LRRC4C: variants seen among roughly 807,000 people sequenced by gnomAD.
LRRC4C encodes the protein leucine-rich repeat-containing protein 4C.
Under a neutral mutation model 33.6 loss-of-function variants are expected in LRRC4C, and 5 were observed. The ratio of observed to expected loss-of-function variants is 0.15; its 90% CI spans 0.08 to 0.31. The LOEUF (loss-of-function observed/expected upper bound fraction) is 0.31, where lower values mean the gene tolerates loss of function less well. Ranked by LOEUF, LRRC4C falls within the 10% of genes least tolerant of loss-of-function variation. The pLI is 1.00. For synonymous variants in LRRC4C, 329 were observed against 302.0 expected (o/e 1.09, Z -0.93); for missense variants, 560 against 796.7 (o/e 0.70, Z 3.58).
intron 1 of LRRC4C, among the ~76,000 whole-genome samples, chr11:41,351,694 A>G (rs1041699704): frequency 6.6e-6 from 1 of 152,252 alleles, no homozygotes; most frequent in Non-Finnish European, 1.5e-5. Flanking sequence ...TATATTCAGC[A>G]ACATGCATTA....
At chr11:40,396,230 T>C (rs11035820) in intron 3 of LRRC4C, among the ~76,000 whole-genome samples, 14 of 152,054 alleles carry the variant, frequency 9.2e-5, no homozygotes, top group African/African-American at 3.1e-4. Context: ...GTTTCTGTTT[T>C]TTATTATTTT....
intron 5 of LRRC4C, among the ~76,000 whole-genome samples, chr11:40,204,831 G>T (rs4369393): frequency 0.47 from 71,936 of 151,898 alleles, 18,220 homozygotes; most frequent in East Asian, 0.63. Flanking sequence ...TTCCTTGCCT[G>T]CTTAGCTTTG....
chr11:41,436,819 G>A (rs953657363), intron 1 of LRRC4C, among the ~76,000 whole-genome samples: 1 of 152,144 alleles, frequency 6.6e-6, no homozygotes, highest in Admixed American at 6.5e-5. Flanking sequence ...CATCTTTCAA[G>A]AGTCCCTAAA....
chr11:41,043,068 C>CTTTTTTTTTTT (rs67605827), intron 1 of LRRC4C, among the ~76,000 whole-genome samples: 1 of 75,796 alleles, frequency 1.3e-5, no homozygotes, highest in Non-Finnish European at 2.4e-5. Context: ...CAGAATAGAC[C>CTTTTTTTTTTT]TTTTTTTTTT....
intron 4 of LRRC4C, among the ~76,000 whole-genome samples, chr11:40,274,772 C>T (rs1364097196): frequency 6.6e-6 from 1 of 152,052 alleles, no homozygotes; most frequent in South Asian, 2.1e-4. Flanking sequence ...AAAGAGGTAA[C>T]TTACATAGAG....
Position 40,733,081 on chromosome 11 carries a change from T to G in LRRC4C, c.-406-84803A>C, listed in dbSNP as rs995196268. ...ATATAGTTTTTTTTTTTTTTTTTTT[T>G]TTTTTTTTTTTTGAGATGGAGTCTC... is the stretch of plus-strand genomic sequence containing the variant. On this transcript the variant is annotated intron_variant, in intron 2 of 6. Transcript: ENST00000528697. Among the ~76,000 whole-genome samples, 80 of 129,876 alleles carry G rather than the reference T, an allele frequency of 6.2e-4. 1 individual carries two copies. Among genetic ancestry groups the G allele is most frequent in the Middle Eastern group, 7.6e-3 (2 of 264 alleles). The allele number at this position is 129,876 out of a possible 152,430, so 85.2% of individuals were successfully genotyped here.
At chr11:40,919,027 T>C (rs973175855) in intron 2 of LRRC4C, among the ~76,000 whole-genome samples, 4 of 152,210 alleles carry the variant, frequency 2.6e-5, no homozygotes, top group African/African-American at 9.6e-5. Context: ...AATAATTTGC[T>C]GCATTTGCTT....
At chr11:41,436,641 A>C (rs895874321) in intron 1 of LRRC4C, among the ~76,000 whole-genome samples, 1 of 152,198 alleles carries the variant, frequency 6.6e-6, no homozygotes, top group Non-Finnish European at 1.5e-5. Flanking sequence ...TGGCATAATC[A>C]TCACAGAGAG....
At chr11:40,951,508 T>C (rs574966549) in intron 1 of LRRC4C, among the ~76,000 whole-genome samples, 1 of 152,152 alleles carries the variant, frequency 6.6e-6, no homozygotes, top group African/African-American at 2.4e-5. Context: ...AGTGTGACTT[T>C]ACACACATTG....
At chr11:41,288,357 A>T (rs1286374288) in intron 1 of LRRC4C, among the ~76,000 whole-genome samples, 1 of 152,184 alleles carries the variant, frequency 6.6e-6, no homozygotes, top group African/African-American at 2.4e-5. Context: ...TATAACGGTG[A>T]CTAGAAATGT....
intron 1 of LRRC4C, among the ~76,000 whole-genome samples, chr11:41,067,957 A>G (rs1315944465): frequency 1.3e-5 from 2 of 152,202 alleles, no homozygotes; most frequent in Non-Finnish European, 2.9e-5. Context: ...AGAAAGCTAG[A>G]AAGATCTCCA....
At chr11:40,565,560 T>A (rs991583275) in intron 3 of LRRC4C, among the ~76,000 whole-genome samples, 2 of 152,268 alleles carry the variant, frequency 1.3e-5, no homozygotes, top group East Asian at 1.9e-4. Flanking sequence ...TGTAATGTAG[T>A]CAGGGCTCTT....
At chr11:41,223,234 C>G (rs887490380) in intron 1 of LRRC4C, among the ~76,000 whole-genome samples, 2 of 152,092 alleles carry the variant, frequency 1.3e-5, no homozygotes, top group African/African-American at 4.8e-5. Flanking sequence ...ATGACTCCAT[C>G]GTTGATGTGA....
intron 1 of LRRC4C, among the ~76,000 whole-genome samples, chr11:41,134,880 A>T (rs1313845936): frequency 4.6e-5 from 7 of 152,182 alleles, no homozygotes. Flanking sequence ...CCCCACCCAA[A>T]CAATAAAAAC....
At chr11:41,324,144 G>A (rs937750029) in intron 1 of LRRC4C, among the ~76,000 whole-genome samples, 4 of 152,020 alleles carry the variant, frequency 2.6e-5, no homozygotes, top group African/African-American at 9.7e-5. Flanking sequence ...TATTATTTTA[G>A]GCAGGGCGCG....
At chr11:40,777,356 C>A (rs1176495995) in intron 2 of LRRC4C, among the ~76,000 whole-genome samples, 1 of 152,090 alleles carries the variant, frequency 6.6e-6, no homozygotes, top group East Asian at 1.9e-4. Context: ...TCCCTGCCTA[C>A]ATCTTTTTGT....
chr11:40,629,777 A>G (rs184152093), intron 3 of LRRC4C, among the ~76,000 whole-genome samples: 2 of 152,316 alleles, frequency 1.3e-5, no homozygotes, highest in African/African-American at 4.8e-5. Flanking sequence ...TTTAAATGAT[A>G]GATGTTAATA....
chr11:41,414,474 T>C (rs573402081), intron 1 of LRRC4C, among the ~76,000 whole-genome samples: 1 of 152,282 alleles, frequency 6.6e-6, no homozygotes, highest in East Asian at 1.9e-4. Flanking sequence ...TGTGATTCTC[T>C]CTTGCAGTCT....
At chr11:40,589,320 C>G (rs1240340235) in intron 3 of LRRC4C, among the ~76,000 whole-genome samples, 1 of 151,340 alleles carries the variant, frequency 6.6e-6, no homozygotes, top group Non-Finnish European at 1.5e-5. Flanking sequence ...TTTTGTTTTC[C>G]ATTTGCTTGG....
Sources: allele counts gnomAD v4.1 joint callset (sites outside exome capture counted in the v4.1 genomes callset), GRCh38; gene constraint gnomAD v4.1.1; transcripts MANE v1.5; gene names NCBI Gene and HGNC (gene_info 2026-07-23, HGNC 2026-07-21).